Variants in TPM1 observed in about 807,000 individuals in gnomAD.
TPM1 encodes tropomyosin alpha-1 chain.
TPM1 carries 24 observed loss-of-function variants against 42.9 expected under a neutral mutation model. The observed-to-expected ratio is 0.56, with a 90% CI of 0.41 to 0.79. TPM1 has a LOEUF of 0.79. TPM1 is among the 30% of genes least tolerant of loss of function. The probability of loss-of-function intolerance (pLI) is 0.00; values close to 1 mark genes in which losing one functional copy is unlikely to be tolerated. For synonymous variants in TPM1, 136 were observed against 130.1 expected (o/e 1.05, Z -0.31); for missense variants, 158 against 351.8 (o/e 0.45, Z 4.41).
At chr15:63,061,934 TC>T in intron 6 of TPM1, 146 bp downstream of exon 6, 2 of 769,288 alleles carry the variant, frequency 2.6e-6, no homozygotes, top group South Asian at 1.6e-5. Flanking sequence ...GATAACAAAT[TC>T]TTTTTTTTAA....
At chr15:63,045,060 A>G (rs2032089936) in intron 2 of TPM1, 1 of 152,176 alleles carries the variant, frequency 6.6e-6, no homozygotes, top group African/African-American at 2.4e-5. Context: ...AATTAAGCCT[A>G]GAGGCCCAAT....
chr15:63,071,552 C>A (rs560089338), exon 9 of TPM1: 30 of 326,894 alleles, frequency 9.2e-5, no homozygotes, highest in South Asian at 7.6e-4. Flanking sequence ...AACAAAAGGT[C>A]CCCCTGTGGT....
intron 2 of TPM1, chr15:63,049,299 C>G (rs944693223): frequency 1.9e-5 from 3 of 156,028 alleles, no homozygotes; most frequent in African/African-American, 7.2e-5. Flanking sequence ...AGTGCAAAAC[C>G]CTTAACCCGT....
intron 6 of TPM1, 91 bp from the exon 7 acceptor site, chr15:63,062,124 T>C: frequency 1.8e-6 from 2 of 1,133,442 alleles, no homozygotes; most frequent in Non-Finnish European, 2.7e-6. Flanking sequence ...ATCCTTAACA[T>C]CTGTTGGCTG....
intron 1 of TPM1, 124 bp downstream of exon 1, chr15:63,043,067 C>A: frequency 1.2e-6 from 1 of 820,068 alleles, no homozygotes; most frequent in South Asian, 1.5e-5. Context: ...CCACCCAGGG[C>A]GGCCAGGGCG....
rs796682308 is a variant in TPM1 at position 63,062,573 on chromosome 15, C to T, written c.703-3C>T. The T allele has an allele frequency of 1.2e-6, 2 of 1,614,060 alleles. No homozygotes were observed. The highest frequency in any genetic ancestry group is 1.3e-5 in the African/African-American group (1 of 74,924). ...CAACTTTAACTCAAATAAATCATTA[C>T]AGGCTGAGACTCGGGCTGAGTTTGC... On this transcript the variant is annotated splice_polypyrimidine_tract_variant and splice_region_variant and intron_variant, in intron 7 of 9. Coordinates refer to ENST00000403994, the MANE Select transcript of TPM1 (RefSeq NM_001018005.2).
At chr15:63,061,569 T>C in intron 5 of TPM1, 144 bp from the exon 6 acceptor site, 1 of 864,934 alleles carries the variant, frequency 1.2e-6, no homozygotes, top group East Asian at 2.4e-5. Flanking sequence ...AACCTAAACA[T>C]TTTAATACCT....
At chr15:63,056,656 G>A in intron 2 of TPM1, 1 of 340,676 alleles carries the variant, frequency 2.9e-6, no homozygotes, top group East Asian at 7.8e-5. Flanking sequence ...GATAGAGCGA[G>A]ACCCTGTCTC....
intron 2 of TPM1, among the ~76,000 whole-genome samples, chr15:63,055,428 C>G (rs980353443): frequency 1.3e-5 from 2 of 152,204 alleles, no homozygotes; most frequent in Non-Finnish European, 2.9e-5. Flanking sequence ...TTCTCAGATT[C>G]CTTTGATTAA....
At chr15:63,043,645 T>G in intron 1 of TPM1, 2 of 1,535,180 alleles carry the variant, frequency 1.3e-6, no homozygotes, top group Non-Finnish European at 1.7e-6. Flanking sequence ...CGCCCGTGTG[T>G]TGTGTGTGTC....
chr15:63,065,946 T>C lies in TPM1; in HGVS notation c.*47T>C. The C allele has an allele frequency of 6.2e-7, 1 of 1,606,298 alleles. No individual in the cohort carries two copies. Among genetic ancestry groups the C allele is most frequent in the Non-Finnish European group, 8.5e-7 (1 of 1,176,156 alleles). On this transcript the variant is annotated 3_prime_UTR_variant, in exon 10 of 10. Coordinates refer to ENST00000403994, the MANE Select transcript of TPM1 (RefSeq NM_001018005.2). Reference sequence around the variant, plus strand: ...CAAGACTCCCTCGTCGAGCTGGATGTCCCACCTCTCTGAGCTCTGCATTTG... The same window carrying C: ...CAAGACTCCCTCGTCGAGCTGGATGCCCCACCTCTCTGAGCTCTGCATTTG...
At chr15:63,054,235 A>G (rs1472422891) in intron 2 of TPM1, among the ~76,000 whole-genome samples, 2 of 152,196 alleles carry the variant, frequency 1.3e-5, no homozygotes, top group Admixed American at 6.5e-5. Context: ...GGCACCCTGT[A>G]TGAAGCCCTG....
intron 2 of TPM1, chr15:63,047,061 G>T (rs2032534251): frequency 6.6e-6 from 1 of 152,290 alleles, no homozygotes; most frequent in East Asian, 1.9e-4. Context: ...CCTGGAGGTT[G>T]CCAGACACCC....
At chr15:63,067,689 C>G (rs2036355685), downstream of TPM1, among the ~76,000 whole-genome samples, 1 of 152,160 alleles carries the variant, frequency 6.6e-6, no homozygotes, top group Admixed American at 6.6e-5. Context: ...TTGATAAACT[C>G]AAGTTTATCA....
At chr15:63,063,901 G>A (rs376310733) in intron 8 of TPM1, 163 bp from the exon 9 acceptor site, 10 of 861,460 alleles carry the variant, frequency 1.2e-5, no homozygotes, top group Middle Eastern at 2.3e-4. Flanking sequence ...AAAACAAAAC[G>A]CACGCCTCCT....
chr15:63,061,837 C>A, intron 6 of TPM1, 49 bp downstream of exon 6: 1 of 1,523,648 alleles, frequency 6.6e-7, no homozygotes, highest in South Asian at 1.1e-5. Flanking sequence ...AAGAGCTGCT[C>A]AAAAGAGGCC....
At chr15:63,069,799 C>A, downstream of TPM1, 1 of 1,593,926 alleles carries the variant, frequency 6.3e-7, no homozygotes. Flanking sequence ...CTATTAACTG[C>A]CTCTCACCAA....
exon 9 of TPM1, chr15:63,071,461 T>G: frequency 5.2e-6 from 2 of 387,968 alleles, no homozygotes. Flanking sequence ...GCAGAAGAAG[T>G]TCCATTCAAA....
intron 1 of TPM1, chr15:63,043,523 G>A: frequency 2.1e-6 from 2 of 964,230 alleles, no homozygotes; most frequent in Non-Finnish European, 3.2e-6. Flanking sequence ...GCAGGTGGGT[G>A]TGCGGGGTGA....
Sources: gnomAD v4.1 joint callset for allele counts (sites outside exome capture counted in the v4.1 genomes callset) on GRCh38, gnomAD v4.1.1 for gene constraint, MANE v1.5 for transcripts, NCBI Gene and HGNC (gene_info 2026-07-23, HGNC 2026-07-21) for gene names.